The following TNC variants were observed in gnomAD, a reference collection of about 807,000 sequenced individuals.
The protein encoded by TNC is tenascin.
In TNC, 109 loss-of-function variants were observed where a neutral mutation model predicts 202.4. The ratio of observed to expected loss-of-function variants is 0.54; its 90% CI spans 0.46 to 0.63. The LOEUF (loss-of-function observed/expected upper bound fraction) is 0.63. Ranked by LOEUF, TNC falls within the 30% of genes least tolerant of loss-of-function variation. The pLI is 0.00. For synonymous variants in TNC, 1,007 were observed against 1,089.7 expected (o/e 0.92, Z 1.50); for missense variants, 2,756 against 2,833.3 (o/e 0.97, Z 0.62).
chr9:115,052,898 G>A (rs1831811075), intron 15 of TNC: 1 of 702,698 alleles, frequency 1.4e-6, no homozygotes, highest in Non-Finnish European at 2.6e-6. Flanking sequence ...CAGTGAGTGA[G>A]CGTCACTCAC....
chr9:115,044,275 C>A (rs1447182737), intron 17 of TNC, among the ~76,000 whole-genome samples: 30 of 142,264 alleles, frequency 2.1e-4, no homozygotes, highest in African/African-American at 5.2e-4. Context: ...AAAAAAAAAA[C>A]AAAAGGGGAA....
chr9:115,045,346 A>G (rs1389230635), intron 17 of TNC, among the ~76,000 whole-genome samples: 2 of 152,090 alleles, frequency 1.3e-5, no homozygotes, highest in African/African-American at 2.4e-5. Flanking sequence ...ATTATTACAA[A>G]GAGTCATATT....
chr9:115,058,649 T>C (rs1037086774), intron 14 of TNC, among the ~76,000 whole-genome samples: 6 of 152,194 alleles, frequency 3.9e-5, no homozygotes, highest in African/African-American at 1.4e-4. Context: ...ATTAGTGAAA[T>C]GACTGAGGTT....
At chr9:115,077,836 A>AT in intron 7 of TNC, 107 bp downstream of exon 7, 2 of 1,227,384 alleles carry the variant, frequency 1.6e-6, no homozygotes, top group South Asian at 3.3e-5. Context: ...TACCCCTTTC[A>AT]TTTTTCGTAC....
Position 115,036,024 on chromosome 9 carries a change from G to A in TNC, c.5656+74C>T. 13 of 1,565,114 alleles carry A rather than the reference G, an allele frequency of 8.3e-6. 1 individual carries two copies. The highest frequency in any genetic ancestry group is 2.3e-5 in the South Asian group (2 of 87,484). On this transcript the variant is annotated intron_variant, in intron 21 of 27. Transcript: ENST00000350763. The stretch of plus-strand genomic sequence containing the variant: ...ACTTAAGAAAGAAGAACTGGCTAGC[G>A]GTTCCTGTTTAAGATGCAGGCTGTG...
chr9:115,034,331 G>T (rs1260476716), intron 22 of TNC, among the ~76,000 whole-genome samples: 1 of 152,232 alleles, frequency 6.6e-6, no homozygotes, highest in East Asian at 1.9e-4. Context: ...CCACAAAGTT[G>T]ACAAGCCCTG....
At chr9:115,024,965 G>A (rs1829364727) in intron 26 of TNC, among the ~76,000 whole-genome samples, 1 of 152,182 alleles carries the variant, frequency 6.6e-6, no homozygotes, top group Non-Finnish European at 1.5e-5. Context: ...AGTTGTCAAA[G>A]GAACCCAGAT....
At chr9:115,074,863 C>T (rs74446504) in intron 9 of TNC, among the ~76,000 whole-genome samples, 2,491 of 152,264 alleles carry the variant, frequency 0.016, 72 homozygotes, top group African/African-American at 0.056. Context: ...GGACAGATTA[C>T]GCCAATGTCA....
At chr9:115,041,232 C>G (rs566240163) in intron 18 of TNC, 148 bp from the exon 19 acceptor site, 3 of 937,096 alleles carry the variant, frequency 3.2e-6, no homozygotes, top group Non-Finnish European at 4.5e-6. Flanking sequence ...CTCCTACCCT[C>G]TGGCATAAGG....
chr9:115,057,050 T>A (rs751301063), intron 15 of TNC, 103 bp downstream of exon 15: 76 of 1,380,830 alleles, frequency 5.5e-5, no homozygotes, highest in Non-Finnish European at 7.4e-5. Context: ...GAAGAGTTAG[T>A]GCCCTGTGGC....
At chr9:115,035,946 G>T in intron 21 of TNC, 152 bp downstream of exon 21, 1 of 870,970 alleles carries the variant, frequency 1.1e-6, no homozygotes, top group Non-Finnish European at 1.8e-6. Flanking sequence ...CCTTGACTGA[G>T]TGGGCACTGG....
At chr9:115,104,555 A>G (rs1243943933) in intron 1 of TNC, among the ~76,000 whole-genome samples, 1 of 152,226 alleles carries the variant, frequency 6.6e-6, no homozygotes, top group East Asian at 1.9e-4. Flanking sequence ...ACAACGTCCT[A>G]TACCTTCTGA....
chr9:115,034,466 A>G (rs1217102089), intron 22 of TNC, among the ~76,000 whole-genome samples: 3 of 152,244 alleles, frequency 2.0e-5, no homozygotes, highest in African/African-American at 7.2e-5. Context: ...AACCAAACTC[A>G]ACAACAGCAG....
In TNC at chr9:115,086,833, C is replaced by T. The variant is rs760569760; in HGVS notation, c.898G>A (p.Val300Met). 29 of 1,613,780 alleles carry T rather than the reference C, an allele frequency of 1.8e-5. No individual in the cohort carries two copies. Among genetic ancestry groups the T allele is most frequent in the South Asian group, 3.3e-5 (3 of 91,068 alleles). The change falls in exon 3 of 28, where the codon GTG becomes ATG. Residue 300 changes from valine (V) to methionine (M), a missense_variant. Val to Met is a conservative substitution (Grantham distance 21). Around this residue, in one of 2 missense-constraint regions of TNC, gnomAD observed 2,559 missense variants for 2,546.0 expected, o/e 1.01. Transcript: ENST00000350763. ...NRGRCVENECVCDEGFTGEDC... is the reference protein window; with the variant it reads ...NRGRCVENECMCDEGFTGEDC... The stretch of plus-strand genomic sequence containing the variant: ...TCGCCCGTGAAACCCTCATCACACA[C>T]GCACTCATTCTCCACGCATCGTCCA...
intron 11 of TNC, among the ~76,000 whole-genome samples, 174 bp from the exon 12 acceptor site, chr9:115,064,242 G>T (rs1170242035): frequency 6.6e-6 from 1 of 152,228 alleles, no homozygotes; most frequent in African/African-American, 2.4e-5. Flanking sequence ...AGAGGAAAGT[G>T]CAGGAAAATA....
intron 16 of TNC, among the ~76,000 whole-genome samples, chr9:115,047,821 A>G (rs995769012): frequency 1.3e-5 from 2 of 152,204 alleles, no homozygotes; most frequent in African/African-American, 2.4e-5. Flanking sequence ...TGGTTTTCCA[A>G]TGACGAGCCC....
intron 4 of TNC, 36 bp from the exon 5 acceptor site, chr9:115,082,843 G>A (rs752783959): frequency 6.1e-5 from 91 of 1,493,592 alleles, no homozygotes; most frequent in Non-Finnish European, 8.2e-5. Flanking sequence ...GTAAGGATAG[G>A]GCAGGTGTGT....
intron 15 of TNC, among the ~76,000 whole-genome samples, chr9:115,051,719 A>G (rs1420956388): frequency 1.3e-5 from 2 of 152,064 alleles, no homozygotes. Context: ...TGCGTTACCT[A>G]GCATGATTTA....
At position 115,063,159 on chromosome 9, in the gene TNC, A is replaced by T. The variant is rs138738463; in HGVS notation, c.3791T>A (p.Val1264Glu). 2 of 1,614,190 alleles carry T rather than the reference A, an allele frequency of 1.2e-6. No individual in the cohort carries two copies. Among genetic ancestry groups the T allele is most frequent in the Non-Finnish European group, 1.7e-6 (2 of 1,180,018 alleles). The change falls in exon 13 of 28, where the codon GTG (valine) becomes GAG (glutamate). Residue 1264 changes from valine (V) to glutamate (E), a missense_variant. Around this residue, in one of 2 missense-constraint regions of TNC, gnomAD observed 2,559 missense variants for 2,546.0 expected, o/e 1.01. Transcript: ENST00000350763. ...EEVPDMGNLT[V>E]TEVSWDALRL... ...GAGAGCATCCCAGCTAACCTCGGTC[A>T]CTGTGAGGTTTCCCATATCTGGAAC...
Sources: gnomAD v4.1 joint callset for allele counts (sites outside exome capture counted in the v4.1 genomes callset) on GRCh38, gnomAD v4.1.1 for gene constraint, gnomAD v4.1.1 regional missense constraint, MANE v1.5 for transcripts, NCBI Gene and HGNC (gene_info 2026-07-23, HGNC 2026-07-21) for gene names.